The following CLCN4 variants were observed in gnomAD, a reference collection of about 807,000 sequenced individuals.
The protein encoded by CLCN4 is Cl-/H+ antiporter 4.
A neutral mutation model predicts 41.7 loss-of-function variants in CLCN4; 1 was observed. The ratio of observed to expected loss-of-function variants is 0.02; its 90% CI spans 0.01 to 0.11. CLCN4 has a LOEUF of 0.11. CLCN4 is among the 10% of genes least tolerant of loss of function. CLCN4 has a pLI of 1.00. For missense variants in CLCN4, 287 were observed against 661.0 expected (o/e 0.43, Z 6.20); for synonymous variants, 277 against 285.8 (o/e 0.97, Z 0.31).
chrX:10,216,918 T>TATATATATATATATACACAGACAC (rs773265490), intron 11 of CLCN4, among the ~76,000 whole-genome samples: 1 of 38,931 alleles, frequency 2.6e-5, no homozygotes, highest in East Asian at 1.6e-3. Flanking sequence ...TATATATATA[T>TATATATATATATATACACAGACAC]ACACACACAC....
chrX:10,165,831 C>A (rs949109076), intron 2 of CLCN4, among the ~76,000 whole-genome samples: 1 of 112,053 alleles, frequency 8.9e-6, no homozygotes, highest in South Asian at 3.7e-4. Flanking sequence ...CCTTTTACCC[C>A]AAACATGGAA....
chrX:10,228,438 C>G (rs1019195468), intron 12 of CLCN4, among the ~76,000 whole-genome samples: 2 of 110,856 alleles, frequency 1.8e-5, no homozygotes, highest in African/African-American at 6.6e-5. Context: ...TTGAGGACAT[C>G]AATCCCCTCC....
intron 11 of CLCN4, among the ~76,000 whole-genome samples, chrX:10,216,918 T>TATACACACACACACACAC (rs773265490): frequency 2.6e-5 from 1 of 38,931 alleles, no homozygotes; most frequent in African/African-American, 1.1e-4. Context: ...TATATATATA[T>TATACACACACACACACAC]ACACACACAC....
intron 2 of CLCN4, among the ~76,000 whole-genome samples, chrX:10,169,775 C>CTTTTTTT (rs1569223389): frequency 4.7e-5 from 4 of 84,994 alleles, no homozygotes; most frequent in African/African-American, 1.6e-4. Flanking sequence ...CTTTTTTTTT[C>CTTTTTTT]TTTTTCTTTT....
In CLCN4 at chrX:10,204,135, A is replaced by G. The variant is rs184727428; in HGVS notation, c.556-2223A>G. Among the ~76,000 whole-genome samples the G allele has an allele frequency of 3.5e-3, 396 of 112,140 alleles. 2 individuals carry two copies. The highest frequency in any genetic ancestry group is 0.013 in the African/African-American group (386 of 30,864). ...ATATCTAAGAGAATACCATTTTGGC[A>G]GGGGAGAGGCCCTTGGTGTATGAAG... On this transcript the variant is annotated intron_variant, in intron 6 of 12. Transcript: ENST00000380833.
chrX:10,181,049 A>T (rs1013752262), intron 2 of CLCN4, among the ~76,000 whole-genome samples: 1 of 110,460 alleles, frequency 9.1e-6, no homozygotes, highest in Non-Finnish European at 1.9e-5. Context: ...ATGAGACCCC[A>T]GTACCAGGAT....
chrX:10,186,594 A>G (rs1923818180), intron 3 of CLCN4, among the ~76,000 whole-genome samples: 1 of 111,224 alleles, frequency 9.0e-6, no homozygotes, highest in Admixed American at 9.5e-5. Context: ...TGACCATGTC[A>G]CATCGCCTCA....
At chrX:10,183,822 C>T (rs1046233001) in intron 2 of CLCN4, among the ~76,000 whole-genome samples, 1 of 112,480 alleles carries the variant, frequency 8.9e-6, no homozygotes, top group African/African-American at 3.2e-5. Context: ...TGTGCTACTG[C>T]CCTGGCAGCA....
chrX:10,228,510 G>A (rs921589527), intron 12 of CLCN4, among the ~76,000 whole-genome samples: 13 of 111,300 alleles, frequency 1.2e-4, no homozygotes, highest in African/African-American at 4.3e-4. Flanking sequence ...GGGAAGATAT[G>A]TGGCAGCATC....
At chrX:10,213,657 T>C in intron 10 of CLCN4, 24 bp from the exon 11 acceptor site, 1 of 1,184,040 alleles carries the variant, frequency 8.4e-7, no homozygotes, top group South Asian at 1.9e-5. Context: ...CACTTTGGAA[T>C]CTTACTCCTC....
intron 9 of CLCN4, among the ~76,000 whole-genome samples, chrX:10,211,966 G>A (rs1034075402): frequency 1.8e-5 from 2 of 111,959 alleles, no homozygotes; most frequent in African/African-American, 6.5e-5. Context: ...AGAGGGCAGG[G>A]AGCCATTGAA....
At chrX:10,198,357 G>T (rs1924151406) in intron 6 of CLCN4, among the ~76,000 whole-genome samples, 1 of 112,128 alleles carries the variant, frequency 8.9e-6, no homozygotes. Context: ...CTTCTCAGAT[G>T]ATAAAAGCCT....
rs1414959392 is a variant in CLCN4 at position 10,177,817 on chromosome X, G to C, written c.-11-7205G>C. 3.6e-5 allele frequency among the ~76,000 whole-genome samples: 4 copies of C among 112,114 alleles called. No homozygotes were observed. In the East Asian group the frequency reaches 1.1e-3, roughly 31 times the overall value. Reference sequence around the variant, plus strand: ...AAAACATATGTCCATGCAAAGACTTGTACACAGATGTTCCTAACAGCCTTA... The same window carrying C: ...AAAACATATGTCCATGCAAAGACTTCTACACAGATGTTCCTAACAGCCTTA... On this transcript the variant is annotated intron_variant, in intron 2 of 12. Transcript: ENST00000380833.
At chrX:10,191,577 G>T (rs1282340827) in intron 4 of CLCN4, among the ~76,000 whole-genome samples, 1 of 111,333 alleles carries the variant, frequency 9.0e-6, no homozygotes, top group Non-Finnish European at 1.9e-5. Context: ...GTTTTTTTGA[G>T]ACAGGGTCTG....
Position 10,197,742 on chromosome X carries a change from CTGTT to C in CLCN4, c.433-193_433-190del, listed in dbSNP as rs761647924. ...AGCTCCCAGAGAAACACCCGCTGCT[CTGTT>C]TGTGTGTACTGACTGTAGCAATAGC... On this transcript the variant is annotated intron_variant, in intron 5 of 12. Coordinates refer to ENST00000380833, the MANE Select transcript of CLCN4 (RefSeq NM_001830.4). Among the ~76,000 whole-genome samples the C allele has an allele frequency of 1.6e-3, 175 of 111,742 alleles. 1 individual carries two copies. Among genetic ancestry groups the C allele is most frequent in the African/African-American group, 5.4e-3 (167 of 30,736 alleles).
chrX:10,158,837 C>T (rs1923023083), intron 2 of CLCN4, among the ~76,000 whole-genome samples: 1 of 113,430 alleles, frequency 8.8e-6, no homozygotes, highest in African/African-American at 3.2e-5. Context: ...AAAAACCGCT[C>T]CGGCGGGGGA....
intron 12 of CLCN4, 43 bp from the exon 13 acceptor site, chrX:10,233,451 G>A (rs763339132): frequency 2.0e-6 from 2 of 1,015,186 alleles, no homozygotes; most frequent in East Asian, 3.0e-5. Flanking sequence ...ATGAGTCGTC[G>A]TTTCAAGGCT....
intron 11 of CLCN4, among the ~76,000 whole-genome samples, chrX:10,216,878 G>GGTGTGT (rs1569232668): frequency 5.2e-3 from 48 of 9,164 alleles, no homozygotes; most frequent in African/African-American, 0.018. Context: ...TTCTGTTGGG[G>GGTGTGT]ATGTGTGTGT....
intron 2 of CLCN4, among the ~76,000 whole-genome samples, chrX:10,175,955 T>C (rs1237210133): frequency 1.4e-4 from 9 of 62,394 alleles, no homozygotes; most frequent in East Asian, 3.8e-3. Context: ...CCTCTCTCTC[T>C]CTCTCTCTCT....
Sources: gnomAD v4.1 joint callset for allele counts (sites outside exome capture counted in the v4.1 genomes callset) on GRCh38, gnomAD v4.1.1 for gene constraint, MANE v1.5 for transcripts, NCBI Gene and HGNC (gene_info 2026-07-23, HGNC 2026-07-21) for gene names.